The following PIK3C2G variants were observed in gnomAD, a reference collection of about 807,000 sequenced individuals.
PIK3C2G encodes phosphatidylinositol 3-kinase C2 domain-containing subunit gamma.
A neutral mutation model predicts 181.1 loss-of-function variants in PIK3C2G; 168 were observed. That is an observed-to-expected ratio of 0.93 (90% CI 0.82 to 1.05). The LOEUF is 1.05. Ranked by LOEUF, PIK3C2G falls within the 50% of genes least tolerant of loss-of-function variation. PIK3C2G has a pLI of 0.00. For missense variants in PIK3C2G, 1,869 were observed against 1,732.8 expected, an observed-to-expected ratio of 1.08 and a Z score of -1.40; for synonymous variants, 573 against 592.2, an observed-to-expected ratio of 0.97 and a Z score of 0.47.
At chr12:18,360,421 C>T (rs774282548) in intron 11 of PIK3C2G, among the ~76,000 whole-genome samples, 2 of 152,152 alleles carry the variant, frequency 1.3e-5, no homozygotes, top group African/African-American at 2.4e-5. Flanking sequence ...AGCACCATTA[C>T]GGTATTCTGT....
At chr12:18,324,757 A>G (rs1233877990) in intron 7 of PIK3C2G, among the ~76,000 whole-genome samples, 3 of 152,330 alleles carry the variant, frequency 2.0e-5, no homozygotes, top group African/African-American at 7.2e-5. Context: ...AATTAAGAGT[A>G]GTTTTATATA....
intron 30 of PIK3C2G, among the ~76,000 whole-genome samples, chr12:18,604,236 G>C (rs879500024): frequency 6.6e-6 from 1 of 152,130 alleles, no homozygotes; most frequent in Non-Finnish European, 1.5e-5. Flanking sequence ...AGCGAGCAGG[G>C]TTAGCTATTC....
intron 19 of PIK3C2G, among the ~76,000 whole-genome samples, chr12:18,489,381 C>T (rs1227631399): frequency 6.6e-6 from 1 of 152,032 alleles, no homozygotes; most frequent in African/African-American, 2.4e-5. Context: ...CAAGGGAACT[C>T]AGTTTCTCTC....
intron 11 of PIK3C2G, among the ~76,000 whole-genome samples, chr12:18,360,355 C>A (rs1388754399): frequency 6.6e-6 from 1 of 151,966 alleles, no homozygotes; most frequent in East Asian, 1.9e-4. Context: ...ATTGTTGTAG[C>A]TATTTTTGTA....
At chr12:18,288,392 T>C (rs1949546283) in intron 3 of PIK3C2G, among the ~76,000 whole-genome samples, 1 of 152,098 alleles carries the variant, frequency 6.6e-6, no homozygotes, top group Non-Finnish European at 1.5e-5. Flanking sequence ...AAATTTAAAA[T>C]AAACAAGTAA....
At chr12:18,474,673 G>A (rs560792153) in intron 18 of PIK3C2G, among the ~76,000 whole-genome samples, 6 of 152,056 alleles carry the variant, frequency 3.9e-5, no homozygotes, top group Non-Finnish European at 8.8e-5. Context: ...ATAAGAAGAT[G>A]AGTTAAGCAT....
chr12:18,616,010 C>T (rs1489948471), intron 31 of PIK3C2G, among the ~76,000 whole-genome samples: 1 of 152,044 alleles, frequency 6.6e-6, no homozygotes, highest in Admixed American at 6.6e-5. Flanking sequence ...ATACACACCA[C>T]TCATTCTATC....
the PIK3C2G span, chr12:18,699,650 A>T: frequency 1.2e-6 from 1 of 853,342 alleles, no homozygotes; most frequent in Non-Finnish European, 1.9e-6. Context: ...GACCTGAGGT[A>T]TGTAACCCCA....
intron 8 of PIK3C2G, among the ~76,000 whole-genome samples, chr12:18,329,168 T>C (rs1428979965): frequency 1.3e-5 from 2 of 151,954 alleles, no homozygotes; most frequent in South Asian, 2.1e-4. Flanking sequence ...AGATAATCAC[T>C]AGCCAACATA....
At chr12:18,724,370 A>AG in the PIK3C2G span, among the ~76,000 whole-genome samples, 1 of 152,196 alleles carries the variant, frequency 6.6e-6, no homozygotes, top group African/African-American at 2.4e-5. Context: ...AGGGAGAGTT[A>AG]GAAAAACTGG....
At chr12:18,443,021 G>A (rs1295758637) in intron 18 of PIK3C2G, among the ~76,000 whole-genome samples, 1 of 151,928 alleles carries the variant, frequency 6.6e-6, no homozygotes, top group Admixed American at 6.6e-5. Flanking sequence ...ACAGGCACCC[G>A]CCACCATGCC....
intron 25 of PIK3C2G, among the ~76,000 whole-genome samples, chr12:18,539,609 C>A (rs1404191889): frequency 6.6e-6 from 1 of 151,866 alleles, no homozygotes; most frequent in African/African-American, 2.4e-5. Flanking sequence ...CTAGTGGCAT[C>A]ATATTGGTCA....
At position 18,435,379 on chromosome 12, in the gene PIK3C2G, C is replaced by T. The variant is rs764667241; in HGVS notation, c.2504+11340C>T. Among the ~76,000 whole-genome samples the T allele has an allele frequency of 2.7e-4, 41 of 152,044 alleles. 1 individual carries two copies. Among genetic ancestry groups the T allele is most frequent in the Non-Finnish European group, 1.6e-4 (11 of 67,998 alleles). The stretch of plus-strand genomic sequence containing the variant: ...TGTTTTCCTTCACTTTCATTCTTAC[C>T]TATCCCCAGTCCATCCATCCTCCAC... On this transcript the variant is annotated intron_variant, in intron 18 of 32. Coordinates refer to ENST00000538779, the MANE Select transcript of PIK3C2G (RefSeq NM_001288772.2).
chr12:18,505,350 G>C lies in PIK3C2G; in HGVS notation c.3212G>C (p.Gly1071Ala). The C allele has an allele frequency of 1.9e-6, 3 of 1,612,956 alleles. No individual in the cohort carries two copies. The highest frequency in any genetic ancestry group is 2.5e-6 in the Non-Finnish European group (3 of 1,179,374). The change falls in exon 24 of 33, where the codon GGA becomes GCA. Residue 1071 changes from glycine to alanine, a missense_variant. Coordinates refer to ENST00000538779, the MANE Select transcript of PIK3C2G (RefSeq NM_001288772.2). ...AGWCVVTFIL[G>A]VCDRHNDNIM... is the part of the protein sequence containing the mutation. ...TGGTGTGTGGTAACATTCATCCTGG[G>C]AGTATGTGACCGTCACAATGATAAT...
At chr12:18,297,833 G>A (rs1950006840) in intron 5 of PIK3C2G, among the ~76,000 whole-genome samples, 1 of 151,978 alleles carries the variant, frequency 6.6e-6, no homozygotes, top group Non-Finnish European at 1.5e-5. Flanking sequence ...TTCCATCCAT[G>A]TTGCTGCAAA....
At chr12:18,310,737 A>C (rs1297233430) in intron 5 of PIK3C2G, among the ~76,000 whole-genome samples, 1 of 151,982 alleles carries the variant, frequency 6.6e-6, no homozygotes, top group Non-Finnish European at 1.5e-5. Context: ...AAATGGCTCA[A>C]ATAAACCCAA....
chr12:18,583,935 A>T (rs1050979718), intron 29 of PIK3C2G, among the ~76,000 whole-genome samples: 7 of 152,218 alleles, frequency 4.6e-5, no homozygotes, highest in Non-Finnish European at 1.0e-4. Context: ...GATGCTCAGG[A>T]GAACAGCAAA....
chr12:18,676,281 T>C, the PIK3C2G span, among the ~76,000 whole-genome samples: 1 of 152,168 alleles, frequency 6.6e-6, no homozygotes, highest in African/African-American at 2.4e-5. Context: ...TTTAGCAATA[T>C]GAGCTAATAA....
intron 21 of PIK3C2G, among the ~76,000 whole-genome samples, chr12:18,496,604 T>C (rs1169301797): frequency 6.6e-6 from 1 of 152,128 alleles, no homozygotes; most frequent in Non-Finnish European, 1.5e-5. Flanking sequence ...ATATGGGTCA[T>C]TTCAGTCTTC....
Sources: allele counts gnomAD v4.1 joint callset (sites outside exome capture counted in the v4.1 genomes callset), GRCh38; gene constraint gnomAD v4.1.1; transcripts MANE v1.5; gene names NCBI Gene and HGNC (gene_info 2026-07-23, HGNC 2026-07-21).